KANK3: variants seen among roughly 807,000 people sequenced by gnomAD.
The protein encoded by KANK3 is KN motif and ankyrin repeat domains 3.
In KANK3, 61 loss-of-function variants were observed where a neutral mutation model predicts 65.4. The observed-to-expected ratio is 0.93, with a 90% CI of 0.76 to 1.15. KANK3 has a LOEUF of 1.15. Among genes scored for constraint, KANK3 ranks in the 50% most tolerant of loss-of-function variants. The pLI is 0.00. For missense variants in KANK3, 1,187 were observed against 1,178.8 expected, an observed-to-expected ratio of 1.01 and a Z score of -0.10; for synonymous variants, 586 against 543.3, an observed-to-expected ratio of 1.08 and a Z score of -1.09.
rs778330445 is a variant in KANK3, at chr19:8,334,644, C to A, written c.1183G>T (p.Ala395Ser). ...TGGGTGGTGGCCTCGCGTAGCTGGG[C>A]CCGGGCCCCCGCCGCTGCCTCCTCC... ...AAEEAAAGAR[A>S]QLREATTQTP... The change falls in exon 3 of 11, where the codon GCC becomes TCC. Residue 395 changes from alanine (A) to serine (S), a missense_variant. Physicochemically the swap from Ala to Ser is moderately conservative, Grantham distance 99. This residue lies in a region of KANK3 where 1,078 missense variants were observed against 1,038.2 expected (regional missense o/e 1.04). Coordinates refer to ENST00000330915, the MANE Select transcript of KANK3 (RefSeq NM_198471.3). 2.0e-6 allele frequency: 3 copies of A among 1,531,826 alleles called. No individual in the cohort carries two copies. In the Admixed American group the frequency reaches 5.9e-5, roughly 30 times the overall value. The allele number at this position is 1,531,826 out of a possible 1,614,324, so 94.9% of individuals were successfully genotyped here. A position where few individuals can be genotyped will look rare whatever the true frequency, so the allele number is the denominator to read the frequency against.
Position 8,325,890 on chromosome 19 carries a change from G to A in KANK3, c.1937-794C>T, listed in dbSNP as rs1054354172. On this transcript the variant is annotated intron_variant, in intron 7 of 10. Coordinates refer to ENST00000330915, the MANE Select transcript of KANK3 (RefSeq NM_198471.3). ...CGCCCAGGCTGGAGTGCAGTGGCAC[G>A]ATCTCAGCTCACTGCAACCTCTGCC... is the stretch of plus-strand genomic sequence containing the variant. Among the ~76,000 whole-genome samples the A allele has an allele frequency of 7.3e-5, 11 of 151,274 alleles. No individual in the cohort carries two copies. In the East Asian group the frequency reaches 9.8e-4, roughly 13 times the overall value.
Position 8,334,616 on chromosome 19 carries a change from G to A in KANK3, c.1211C>T (p.Thr404Ile), listed in dbSNP as rs1045029000. The A allele has an allele frequency of 7.0e-6, 11 of 1,574,746 alleles. No individual in the cohort carries two copies. The Admixed American group carries it at 8.9e-5, about 13-fold the overall frequency. Residue 404 changes from threonine (T) to isoleucine (I), a missense_variant, in exon 3 of 11, where the codon ACC (threonine) becomes ATC (isoleucine). Transcript: ENST00000330915. ...RAQLREATTQ[T>I]PWSCAEKAAQ... is the part of the protein sequence containing the mutation. ...GGCCTTTTCGGCACAGCTCCACGGG[G>A]TCTGGGTGGTGGCCTCGCGTAGCTG...
rs1459660420 is a variant in KANK3 at position 8,334,705 on chromosome 19, G to A, written c.1122C>T (p.Gly374=). The stretch of plus-strand genomic sequence containing the variant: ...GGGCTTCCTCCAGCTCCCGCAACCG[G>A]CCCCGCAGAAGCTCACTCACCCCGC... ...HQRGVSELLR[G]RLRELEEARE... The change falls in exon 3 of 11, where the codon GGC becomes GGT. Residue 374 remains glycine, a synonymous_variant. Transcript: ENST00000330915. 1.3e-6 allele frequency: 2 copies of A among 1,531,848 alleles called. No homozygotes were observed. Among genetic ancestry groups the A allele is most frequent in the African/African-American group, 2.8e-5 (2 of 72,422 alleles). The allele number at this position is 1,531,848 out of a possible 1,614,324, so 94.9% of individuals were successfully genotyped here. A position where few individuals can be genotyped will look rare whatever the true frequency, so the allele number is the denominator to read the frequency against.
At position 8,337,686 on chromosome 19, in the gene KANK3, T is replaced by A. The variant is rs1227956669; in HGVS notation, c.34+109A>T. 3 of 1,309,738 alleles carry A rather than the reference T, an allele frequency of 2.3e-6. No individual in the cohort carries two copies. In the African/African-American group the frequency reaches 4.3e-5, roughly 19 times the overall value. 81.1% of individuals were successfully genotyped at this position (1,309,738 alleles called of 1,614,324 possible). ...GGTGGTTTAAAGCAGGCTCATGACA[T>A]TGGAGAGGACTGCACTCTAGGGCTG... On this transcript the variant is annotated intron_variant, in intron 2 of 10. Transcript: ENST00000330915.
At chr19:8,325,220 A>T (rs757623990) in intron 7 of KANK3, 124 bp from the exon 8 acceptor site, 1 of 1,017,200 alleles carries the variant, frequency 9.8e-7, no homozygotes, top group African/African-American at 1.6e-5. Flanking sequence ...TTCTCCCCAC[A>T]ATAGCTACCT....
intron 7 of KANK3, among the ~76,000 whole-genome samples, chr19:8,325,354 G>T (rs958656683): frequency 7.3e-6 from 1 of 136,710 alleles, no homozygotes; most frequent in Non-Finnish European, 1.5e-5. Context: ...ACCCAGGCTG[G>T]AGTGCAGTGG....
chr19:8,322,926 G>T lies in KANK3; in HGVS notation c.2383-4C>A. 1 of 1,155,294 alleles carries T rather than the reference G, an allele frequency of 8.7e-7. No individual in the cohort carries two copies. The highest frequency in any genetic ancestry group is 1.2e-6 in the Non-Finnish European group (1 of 869,498). The allele number at this position is 1,155,294 out of a possible 1,614,324, so 71.6% of individuals were successfully genotyped here. The stretch of plus-strand genomic sequence containing the variant: ...GGGAGCCAGGGGGTGACTCGCTCTG[G>T]AGAGAGGGGAAAAGAGGGGGGCCTG... On this transcript the variant is annotated splice_region_variant and splice_polypyrimidine_tract_variant and intron_variant, in intron 10 of 10. Coordinates refer to ENST00000330915, the MANE Select transcript of KANK3 (RefSeq NM_198471.3).
At chr19:8,339,324 C>T (rs1349716843) in intron 1 of KANK3, among the ~76,000 whole-genome samples, 1 of 151,874 alleles carries the variant, frequency 6.6e-6, no homozygotes, top group African/African-American at 2.4e-5. Flanking sequence ...GGAGTCAAGA[C>T]CCACCTGCGC....
intron 10 of KANK3, among the ~76,000 whole-genome samples, chr19:8,324,206 T>C (rs867733551): frequency 4.8e-4 from 73 of 152,148 alleles, no homozygotes; most frequent in African/African-American, 1.6e-3. Flanking sequence ...GAAGGATCCC[T>C]TGAGCTCAGG....
rs1970599927 is a variant in KANK3, at chr19:8,334,807, C to T, written c.1020G>A (p.Val340=). The change falls in exon 3 of 11, where the codon GTG becomes GTA. Residue 340 remains valine, a synonymous_variant. Coordinates refer to ENST00000330915, the MANE Select transcript of KANK3 (RefSeq NM_198471.3). ...APETVEADAW[V]TEALLGLPAA... is the part of the protein sequence containing the mutation. ...CAGGCAGCCCCAGCAGCGCCTCGGT[C>T]ACCCACGCGTCCGCCTCCACGGTCT... The T allele has an allele frequency of 6.7e-7, 1 of 1,495,810 alleles. No homozygotes were observed. The highest frequency in any genetic ancestry group is 8.8e-7 in the Non-Finnish European group (1 of 1,131,432). 92.7% of individuals were successfully genotyped at this position (1,495,810 alleles called of 1,614,324 possible).
At chr19:8,337,402 C>T (rs1236286296) in intron 2 of KANK3, among the ~76,000 whole-genome samples, 1 of 152,016 alleles carries the variant, frequency 6.6e-6, no homozygotes, top group East Asian at 1.9e-4. Flanking sequence ...GGGATTTCAC[C>T]GTGTTAGCCA....
At chr19:8,335,882 C>T in intron 2 of KANK3, 90 bp from the exon 3 acceptor site, 1 of 899,734 alleles carries the variant, frequency 1.1e-6, no homozygotes, top group Non-Finnish European at 1.5e-6. Flanking sequence ...CCCACCCATG[C>T]CCACGCTTCA....
Position 8,324,775 on chromosome 19 carries a change from G to GT in KANK3, c.2137_2138insA (p.Ala713AspfsTer9). ...ATCAGCCCCACACGCCAGTAGGGTT[G>GT]CCACCATGTCCTGTCGGCCATGGCT... On this transcript the variant is annotated frameshift_variant, in exon 9 of 11. Transcript: ENST00000330915. LOFTEE classifies it high-confidence loss of function. 6.2e-7 allele frequency: 1 copy of GT among 1,613,990 alleles called. No homozygotes were observed. Among genetic ancestry groups the GT allele is most frequent in the Non-Finnish European group, 8.5e-7 (1 of 1,180,028 alleles).
At chr19:8,342,062 C>T (rs2061693458) in intron 1 of KANK3, among the ~76,000 whole-genome samples, 1 of 152,192 alleles carries the variant, frequency 6.6e-6, no homozygotes, top group African/African-American at 2.4e-5. Context: ...GGCAGGATCT[C>T]GGCTCACTGC....
rs1019359766 is a variant in KANK3 at position 8,334,897 on chromosome 19, C to T, written c.930G>A (p.Glu310=). Reference sequence around the variant, plus strand: ...CGGCCTGGGCACCCGCTTCTCGGGTCTCGGGCACGGCCTCGGCGGCCACCT... The same window carrying T: ...CGGCCTGGGCACCCGCTTCTCGGGTTTCGGGCACGGCCTCGGCGGCCACCT... The part of the protein sequence containing the change: ...TREVAAEAVP[E]TREAGAQAVP... The change falls in exon 3 of 11, where the codon GAG becomes GAA. Residue 310 remains glutamate (E), a synonymous_variant. Coordinates refer to ENST00000330915, the MANE Select transcript of KANK3 (RefSeq NM_198471.3). 3.2e-5 allele frequency: 47 copies of T among 1,458,852 alleles called. No individual in the cohort carries two copies. In the African/African-American group the frequency reaches 6.8e-4, roughly 21 times the overall value. 90.4% of individuals were successfully genotyped at this position (1,458,852 alleles called of 1,614,324 possible).
At position 8,335,228 on chromosome 19, in the gene KANK3, A is replaced by G; in HGVS notation, c.599T>C (p.Leu200Pro). ...GGGCAGCGTTCGCGCCTGGTCCTCG[A>G]GCTCGCGCAGGCGCCGCAGCGCCGC... ...MAAALRRLRE[L>P]EDQARTLPEL... Residue 200 changes from leucine (L) to proline (P), a missense_variant, in exon 3 of 11, where the codon CTC becomes CCC. Coordinates refer to ENST00000330915, the MANE Select transcript of KANK3 (RefSeq NM_198471.3). The G allele has an allele frequency of 8.1e-7, 1 of 1,227,122 alleles. No individual in the cohort carries two copies. Among genetic ancestry groups the G allele is most frequent in the Non-Finnish European group, 1.0e-6 (1 of 983,202 alleles). 76.0% of individuals were successfully genotyped at this position (1,227,122 alleles called of 1,614,324 possible).
At position 8,339,653 on chromosome 19, in the gene KANK3, C is replaced by A. The variant is rs570749303; in HGVS notation, c.-28-1797G>T. Among the ~76,000 whole-genome samples, 329 of 152,236 alleles carry A rather than the reference C, an allele frequency of 2.2e-3. 1 individual carries two copies. The highest frequency in any genetic ancestry group is 6.0e-3 in the Admixed American group (91 of 15,278). ...GGGATTACAGGCATGAGCCAAGGTG[C>A]CTGGCCACTATCTCTTTTGTTTGTT... On this transcript the variant is annotated intron_variant, in intron 1 of 10. Coordinates refer to ENST00000330915, the MANE Select transcript of KANK3 (RefSeq NM_198471.3).
At position 8,334,617 on chromosome 19, in the gene KANK3, T is replaced by A; in HGVS notation, c.1210A>T (p.Thr404Ser). The change falls in exon 3 of 11, where the codon ACC becomes TCC. Residue 404 changes from threonine to serine, a missense_variant. Transcript: ENST00000330915. ...GCCTTTTCGGCACAGCTCCACGGGG[T>A]CTGGGTGGTGGCCTCGCGTAGCTGG... The part of the protein sequence containing the change: ...RAQLREATTQ[T>S]PWSCAEKAAQ... The A allele has an allele frequency of 6.4e-7, 1 of 1,574,404 alleles. No homozygotes were observed. Among genetic ancestry groups the A allele is most frequent in the Non-Finnish European group, 8.6e-7 (1 of 1,168,348 alleles).
chr19:8,343,002 G>A (rs567389245), intron 1 of KANK3, among the ~76,000 whole-genome samples: 2 of 152,180 alleles, frequency 1.3e-5, no homozygotes, highest in African/African-American at 4.8e-5. Flanking sequence ...AAGGGCGAGA[G>A]GGGGGCAAGC....
Sources: gnomAD v4.1 joint callset for allele counts (sites outside exome capture counted in the v4.1 genomes callset) on GRCh38, gnomAD v4.1.1 for gene constraint, gnomAD v4.1.1 regional missense constraint, MANE v1.5 for transcripts, NCBI Gene and HGNC (gene_info 2026-07-23, HGNC 2026-07-21) for gene names.